Variants in CYP2J2 observed in about 807,000 individuals in gnomAD.
The protein encoded by CYP2J2 is cytochrome P450 2J2.
Under a neutral mutation model 48.8 loss-of-function variants are expected in CYP2J2, and 41 were observed. That is an observed-to-expected ratio of 0.84 (90% confidence interval 0.66 to 1.09). The LOEUF is 1.09. CYP2J2 is among the 50% of genes least tolerant of loss of function. CYP2J2 has a pLI of 0.00. For synonymous variants in CYP2J2, 221 were observed against 227.1 expected (o/e 0.97, Z 0.24); for missense variants, 644 against 617.3 (o/e 1.04, Z -0.46).
At chr1:59,956,909 T>TA in the CYP2J2 span, among the ~76,000 whole-genome samples, 1 of 152,062 alleles carries the variant, frequency 6.6e-6, no homozygotes. Context: ...ATCTTAGCCA[T>TA]AAGCCACCAT....
chr1:59,931,755 A>T (rs1644605203), upstream of CYP2J2, among the ~76,000 whole-genome samples: 1 of 152,178 alleles, frequency 6.6e-6, no homozygotes, highest in African/African-American at 2.4e-5. Context: ...CATAAAATCT[A>T]GCTAGAATAC....
the CYP2J2 span, among the ~76,000 whole-genome samples, chr1:59,960,351 A>G: frequency 6.6e-6 from 1 of 152,188 alleles, no homozygotes; most frequent in Non-Finnish European, 1.5e-5. Context: ...AATTATACAA[A>G]TTAACTTTTC....
chr1:59,899,425 G>C (rs1030333115), intron 8 of CYP2J2, among the ~76,000 whole-genome samples: 3 of 152,270 alleles, frequency 2.0e-5, no homozygotes, highest in African/African-American at 2.4e-5. Flanking sequence ...CACAGCACAG[G>C]GGGAGAGCAT....
At chr1:59,900,820 G>T in intron 8 of CYP2J2, 145 bp downstream of exon 8, 1 of 889,588 alleles carries the variant, frequency 1.1e-6, no homozygotes, top group Non-Finnish European at 1.7e-6. Context: ...AAATCCCAGG[G>T]CTGCCCCCTA....
chr1:59,957,811 C>T, the CYP2J2 span, among the ~76,000 whole-genome samples: 3 of 152,088 alleles, frequency 2.0e-5, no homozygotes, highest in Non-Finnish European at 2.9e-5. Context: ...CAATGACACA[C>T]GGTCTTAAAA....
At chr1:59,903,427 A>G (rs547541863) in intron 7 of CYP2J2, among the ~76,000 whole-genome samples, 2 of 152,370 alleles carry the variant, frequency 1.3e-5, no homozygotes, top group South Asian at 4.1e-4. Flanking sequence ...TCGCAGAAAC[A>G]GAAAATGAAA....
At chr1:59,917,699 G>T (rs767609911) in intron 1 of CYP2J2, among the ~76,000 whole-genome samples, 2 of 152,206 alleles carry the variant, frequency 1.3e-5, no homozygotes, top group African/African-American at 4.8e-5. Flanking sequence ...TGCAAATGTA[G>T]GTTGGAGGAC....
At chr1:59,929,528 G>A (rs1452110569), upstream of CYP2J2, among the ~76,000 whole-genome samples, 3 of 151,968 alleles carry the variant, frequency 2.0e-5, no homozygotes, top group African/African-American at 7.3e-5. Context: ...AGTAAAGTAA[G>A]GTATGAGACA....
intron 5 of CYP2J2, among the ~76,000 whole-genome samples, chr1:59,908,666 T>C (rs1644385223): frequency 6.6e-6 from 1 of 152,204 alleles, no homozygotes; most frequent in Non-Finnish European, 1.5e-5. Context: ...ATAAATGTCA[T>C]ACCAATAAGG....
intron 1 of CYP2J2, 88 bp downstream of exon 1, chr1:59,926,449 C>T (rs2102143745): frequency 1.7e-6 from 2 of 1,151,600 alleles, no homozygotes; most frequent in Non-Finnish European, 1.3e-6. Context: ...CCCTTCATCC[C>T]CCACCCCACC....
the CYP2J2 span, among the ~76,000 whole-genome samples, chr1:59,950,273 G>T: frequency 1.3e-5 from 2 of 152,176 alleles, no homozygotes; most frequent in African/African-American, 4.8e-5. Context: ...GCAGCCCTAA[G>T]TAGGTACAGG....
At position 59,920,291 on chromosome 1, in the gene CYP2J2, GC is replaced by G. The variant is rs1644502336; in HGVS notation, c.211-4192del. ...CCATATACAGATGTAAAGGGGAAAT[GC>G]AGAAGGTGTTTGGGAGCAAGAGAGC... is the stretch of plus-strand genomic sequence containing the variant. On this transcript the variant is annotated intron_variant, in intron 1 of 8. Transcript: ENST00000371204. Among the ~76,000 whole-genome samples the G allele has an allele frequency of 3.3e-5, 5 of 150,804 alleles. No homozygotes were observed. The Admixed American group carries it at 3.3e-4, about 10-fold the overall frequency.
the CYP2J2 span, among the ~76,000 whole-genome samples, chr1:59,933,227 A>T: frequency 6.6e-6 from 1 of 152,220 alleles, no homozygotes; most frequent in Non-Finnish European, 1.5e-5. Flanking sequence ...TAATAAAAGA[A>T]ATACAATTGA....
the CYP2J2 span, among the ~76,000 whole-genome samples, chr1:59,965,400 C>G: frequency 1.3e-5 from 2 of 152,184 alleles, no homozygotes; most frequent in Admixed American, 6.5e-5. Context: ...GAGCCCTGGG[C>G]TACTCCAACT....
chr1:59,916,017 T>G lies in CYP2J2; in HGVS notation c.294A>C (p.Lys98Asn), dbSNP rs1644462113. The change falls in exon 2 of 9, where the codon AAA becomes AAC. Residue 98 changes from lysine (K) to asparagine (N), a missense_variant. Coordinates refer to ENST00000371204, the MANE Select transcript of CYP2J2 (RefSeq NM_000775.4). ...AVLITGLPLI[K>N]EALIHMDQNF... Reference sequence around the variant, plus strand: ...TTTGGTCCATGTGGATAAGGGCTTCTTTGATTAAGGGCAAGCCAGTAATAA... The same window carrying G: ...TTTGGTCCATGTGGATAAGGGCTTCGTTGATTAAGGGCAAGCCAGTAATAA... The G allele has an allele frequency of 6.2e-7, 1 of 1,613,952 alleles. No homozygotes were observed. The highest frequency in any genetic ancestry group is 1.3e-5 in the African/African-American group (1 of 74,916).
In CYP2J2 at chr1:59,893,383, A is replaced by C. The variant is rs1354425017; in HGVS notation, c.*268T>G. On this transcript the variant is annotated 3_prime_UTR_variant, in exon 9 of 9. Transcript: ENST00000371204. The stretch of plus-strand genomic sequence containing the variant: ...CTCACCATTTCTTTTGATTCTTACA[A>C]GAACTTTCTTTATGGAAGGAAACAT... 2.9e-6 allele frequency: 1 copy of C among 342,786 alleles called. No homozygotes were observed. The highest frequency in any genetic ancestry group is 1.1e-4 in the South Asian group (1 of 9,324). 21.2% of individuals were successfully genotyped at this position (342,786 alleles called of 1,614,324 possible).
chr1:59,921,671 C>T (rs1247919913), intron 1 of CYP2J2, among the ~76,000 whole-genome samples: 2 of 149,102 alleles, frequency 1.3e-5, no homozygotes, highest in Non-Finnish European at 3.0e-5. Context: ...AAGCTGGTTG[C>T]AAACAATCAG....
At chr1:59,915,247 C>A (rs1320849449) in intron 2 of CYP2J2, among the ~76,000 whole-genome samples, 1 of 152,164 alleles carries the variant, frequency 6.6e-6, no homozygotes, top group Admixed American at 6.5e-5. Flanking sequence ...TGCTGAGCGC[C>A]AGTCCCCTGG....
intron 2 of CYP2J2, among the ~76,000 whole-genome samples, chr1:59,913,975 T>C (rs924607629): frequency 6.6e-6 from 1 of 152,236 alleles, no homozygotes; most frequent in Non-Finnish European, 1.5e-5. Flanking sequence ...CCCATGCTTG[T>C]CATGTTGGCC....
Sources: allele counts gnomAD v4.1 joint callset (sites outside exome capture counted in the v4.1 genomes callset), GRCh38; gene constraint gnomAD v4.1.1; transcripts MANE v1.5; gene names NCBI Gene and HGNC (gene_info 2026-07-23, HGNC 2026-07-21).